GAREM1: variants seen among roughly 807,000 people sequenced by gnomAD.
GAREM1 encodes the protein GRB2-associated and regulator of MAPK protein 1.
Under a neutral mutation model 71.3 loss-of-function variants are expected in GAREM1, and 26 were observed. The observed-to-expected ratio is 0.36, with a 90% confidence interval of 0.27 to 0.51. GAREM1 has a LOEUF of 0.51. GAREM1 is among the 20% of genes least tolerant of loss of function. The pLI is 0.95. For synonymous variants in GAREM1, 440 were observed against 433.2 expected, an observed-to-expected ratio of 1.02 and a Z score of -0.20; for missense variants, 1,026 against 1,103.1, an observed-to-expected ratio of 0.93 and a Z score of 0.99.
At chr18:32,352,584 G>T (rs1361470022) in intron 2 of GAREM1, among the ~76,000 whole-genome samples, 1 of 152,162 alleles carries the variant, frequency 6.6e-6, no homozygotes, top group Admixed American at 6.5e-5. Context: ...TGAGGGTAAT[G>T]AATTGAGATA....
rs117839646 is a variant in GAREM1 at position 32,387,415 on chromosome 18, G to A, written c.262+5480C>T. On this transcript the variant is annotated intron_variant, in intron 2 of 5. Coordinates refer to ENST00000269209, the MANE Select transcript of GAREM1 (RefSeq NM_001242409.2). ...GAATGCAGAAAAAATCTTGAGTTCT[G>A]TATTGTACATTTCGTAGGAAAGGTT... Among the ~76,000 whole-genome samples the A allele has an allele frequency of 7.0e-4, 107 of 152,254 alleles. 2 individuals carry two copies. The highest frequency in any genetic ancestry group is 5.8e-3 in the East Asian group (30 of 5,180).
chr18:32,315,958 TTTAA>T (rs1369228763), intron 2 of GAREM1, among the ~76,000 whole-genome samples: 11 of 152,200 alleles, frequency 7.2e-5, no homozygotes, highest in Admixed American at 7.2e-4. Context: ...GTTCTTGTTT[TTTAA>T]TTATTTTTCT....
intron 1 of GAREM1, among the ~76,000 whole-genome samples, chr18:32,406,495 G>C (rs886073220): frequency 6.6e-6 from 1 of 152,142 alleles, no homozygotes; most frequent in Admixed American, 6.5e-5. Flanking sequence ...GGTGTGTGGT[G>C]GGGGGAAAGA....
intron 3 of GAREM1, among the ~76,000 whole-genome samples, 193 bp from the exon 4 acceptor site, chr18:32,288,396 T>C (rs912501727): frequency 6.6e-6 from 1 of 152,190 alleles, no homozygotes; most frequent in East Asian, 1.9e-4. Context: ...CAAGATGATA[T>C]TAGTTTAGAA....
chr18:32,396,699 CAG>C, intron 1 of GAREM1, among the ~76,000 whole-genome samples: 1 of 152,284 alleles, frequency 6.6e-6, no homozygotes, highest in Non-Finnish European at 1.5e-5. Context: ...CTGAAAGTGA[CAG>C]GGAGAATGGA....
intron 2 of GAREM1, among the ~76,000 whole-genome samples, chr18:32,310,696 C>T (rs913551754): frequency 6.6e-6 from 1 of 152,034 alleles, no homozygotes; most frequent in African/African-American, 2.4e-5. Flanking sequence ...AGTTGTTGTA[C>T]GAACCACACA....
intron 3 of GAREM1, among the ~76,000 whole-genome samples, chr18:32,301,699 C>T (rs1567955751): frequency 6.6e-6 from 1 of 152,164 alleles, no homozygotes; most frequent in East Asian, 1.9e-4. Flanking sequence ...GGCACTTTTG[C>T]TATAAAACCC....
At chr18:32,286,358 G>A (rs1274313160) in intron 4 of GAREM1, among the ~76,000 whole-genome samples, 2 of 149,450 alleles carry the variant, frequency 1.3e-5, no homozygotes, top group South Asian at 2.1e-4. Flanking sequence ...GTGTGTGTGT[G>A]TATAATACAT....
intron 2 of GAREM1, among the ~76,000 whole-genome samples, chr18:32,378,440 C>T (rs111684772): frequency 6.7e-6 from 1 of 148,530 alleles, no homozygotes; most frequent in East Asian, 2.0e-4. Flanking sequence ...GGGGAGGTTG[C>T]AGTGAACTGA....
In GAREM1 at chr18:32,279,437, T is replaced by G. The variant is rs184641438; in HGVS notation, c.1566+7594A>C. On this transcript the variant is annotated intron_variant, in intron 4 of 5. Coordinates refer to ENST00000269209, the MANE Select transcript of GAREM1 (RefSeq NM_001242409.2). ...ATTCTCATAGGAGCATGAACCCTAT[T>G]GTGAACTGCACATGTGAGGGATCTT... Among the ~76,000 whole-genome samples, 492 of 152,316 alleles carry G rather than the reference T, an allele frequency of 3.2e-3. 2 individuals are homozygous for G. Among genetic ancestry groups the G allele is most frequent in the Non-Finnish European group, 5.3e-3 (363 of 68,034 alleles).
In GAREM1 at chr18:32,287,065, A is replaced by G. The variant is rs776950804; in HGVS notation, c.1532T>C (p.Leu511Pro). The G allele has an allele frequency of 6.2e-7, 1 of 1,613,938 alleles. No individual in the cohort carries two copies. Among genetic ancestry groups the G allele is most frequent in the African/African-American group, 1.3e-5 (1 of 74,946 alleles). Reference sequence around the variant, plus strand: ...TTTGGGAGGCACTGGAGGTGGAGGTAGGGCAGTATCTGAAGACTTCACTGC... The same window carrying G: ...TTTGGGAGGCACTGGAGGTGGAGGTGGGGCAGTATCTGAAGACTTCACTGC... ...GAAVKSSDTA[L>P]PPPPVPPKSE... The change falls in exon 4 of 6, where the codon CTA (leucine) becomes CCA (proline). Residue 511 changes from leucine (L) to proline (P), a missense_variant. Leu to Pro is a moderately conservative substitution (Grantham distance 98). Around this residue, in one of 3 missense-constraint regions of GAREM1, gnomAD observed 636 missense variants for 631.2 expected, o/e 1.01. Transcript: ENST00000269209. The surrounding 1 kb of genome is among the most constrained non-coding windows in gnomAD (Gnocchi z 5.9).
At chr18:32,331,831 G>A (rs995684273) in intron 2 of GAREM1, among the ~76,000 whole-genome samples, 14 of 151,994 alleles carry the variant, frequency 9.2e-5, no homozygotes, top group African/African-American at 3.4e-4. Context: ...AGAAGGTGAA[G>A]GGGAAAGAGT....
rs1567937677 is a variant in GAREM1, at chr18:32,264,131, A to G, written c.*3740T>C. 1 of 152,222 alleles carries G rather than the reference A, an allele frequency of 6.6e-6. No individual in the cohort carries two copies. Among genetic ancestry groups the G allele is most frequent in the South Asian group, 2.1e-4 (1 of 4,822 alleles). The allele number at this position is 152,222 out of a possible 1,614,324, so 9.4% of individuals were successfully genotyped here. ...TACAATCCCACAATCTAAAAACTCT[A>G]CTTCACATAATTTGCACTCTAGGCC... is the stretch of plus-strand genomic sequence containing the variant. On this transcript the variant is annotated 3_prime_UTR_variant, in exon 6 of 6. Coordinates refer to ENST00000269209, the MANE Select transcript of GAREM1 (RefSeq NM_001242409.2).
intron 1 of GAREM1, among the ~76,000 whole-genome samples, chr18:32,394,220 C>CA (rs762803722): frequency 6.6e-6 from 1 of 151,900 alleles, no homozygotes; most frequent in Non-Finnish European, 1.5e-5. Flanking sequence ...GGCAACATGG[C>CA]AAAATCCCAT....
intron 1 of GAREM1, among the ~76,000 whole-genome samples, chr18:32,407,665 T>G (rs2048377392): frequency 6.6e-6 from 1 of 152,144 alleles, no homozygotes; most frequent in Admixed American, 6.5e-5. Flanking sequence ...TCCCTCTTTA[T>G]TCTTTCTGAT....
intron 1 of GAREM1, among the ~76,000 whole-genome samples, chr18:32,448,103 T>C (rs1233837498): frequency 6.6e-6 from 1 of 152,166 alleles, no homozygotes; most frequent in African/African-American, 2.4e-5. Flanking sequence ...GGGATCTCTC[T>C]TGCCCCATTG....
chr18:32,435,760 A>T (rs1310450295), intron 1 of GAREM1, among the ~76,000 whole-genome samples: 1 of 152,196 alleles, frequency 6.6e-6, no homozygotes, highest in Non-Finnish European at 1.5e-5. Context: ...TACTGTGGCT[A>T]ATTTCACACA....
intron 1 of GAREM1, chr18:32,412,103 G>C (rs2048425668): frequency 1.1e-5 from 8 of 755,416 alleles, no homozygotes; most frequent in Non-Finnish European, 1.6e-5. Context: ...CTTCTTTGTA[G>C]CAGCTAGGCC....
intron 2 of GAREM1, among the ~76,000 whole-genome samples, chr18:32,318,728 A>G (rs189461956): frequency 6.6e-6 from 1 of 152,316 alleles, no homozygotes; most frequent in African/African-American, 2.4e-5. Context: ...TCAGCATGGC[A>G]GTCTACTTTG....
Sources: allele counts gnomAD v4.1 joint callset (sites outside exome capture counted in the v4.1 genomes callset), GRCh38; gene constraint gnomAD v4.1.1; regional missense constraint gnomAD v4.1.1; non-coding constraint Gnocchi (gnomAD v3.1); transcripts MANE v1.5; gene names NCBI Gene and HGNC (gene_info 2026-07-23, HGNC 2026-07-21).